Variants in NSL1 observed in about 807,000 individuals in gnomAD.
NSL1 encodes the protein NSL1 component of MIS12 kinetochore complex, also known as kinetochore-associated protein NSL1 homolog.
NSL1 carries 11 observed loss-of-function variants against 25.4 expected under a neutral mutation model. That is an observed-to-expected ratio of 0.43 (90% confidence interval 0.27 to 0.72). The LOEUF is 0.72. Among genes scored for constraint, NSL1 ranks in the 30% least tolerant of loss-of-function variants. The pLI is 0.19. For missense variants in NSL1, 330 were observed against 342.7 expected (o/e 0.96, Z 0.29); for synonymous variants, 118 against 120.6 (o/e 0.98, Z 0.14).
At chr1:212,779,242 GT>G (rs1660552428) in intron 4 of NSL1, among the ~76,000 whole-genome samples, 1 of 149,294 alleles carries the variant, frequency 6.7e-6, no homozygotes, top group Non-Finnish European at 1.5e-5. Flanking sequence ...GGGGGGTGGG[GT>G]CAGCCCCCCT....
chr1:212,732,207 ATAT>A lies in NSL1; in HGVS notation c.*6198_*6200del. The A allele has an allele frequency of 1.0e-6, 1 of 982,796 alleles. No homozygotes were observed. Among genetic ancestry groups the A allele is most frequent in the Non-Finnish European group, 1.2e-6 (1 of 827,768 alleles). The allele number at this position is 982,796 out of a possible 1,614,324, so 60.9% of individuals were successfully genotyped here. ...TTTTGTTTCTTTGAACATCTTAATC[ATAT>A]TACAAAACATCTCCTTTATACAATT... On this transcript the variant is annotated 3_prime_UTR_variant, in exon 6 of 6. Coordinates refer to ENST00000366977, the MANE Select transcript of NSL1 (RefSeq NM_015471.4).
chr1:212,779,398 G>A (rs1382193871), intron 4 of NSL1, among the ~76,000 whole-genome samples: 15 of 135,172 alleles, frequency 1.1e-4, no homozygotes, highest in African/African-American at 2.2e-4. Context: ...TCAGCCCCCC[G>A]CCCGGCCAGC....
At chr1:212,773,116 C>CTT (rs1435854132) in intron 4 of NSL1, among the ~76,000 whole-genome samples, 1 of 152,138 alleles carries the variant, frequency 6.6e-6, no homozygotes, top group African/African-American at 2.4e-5. Flanking sequence ...GAAAAACACT[C>CTT]TAGGACATCC....
At chr1:212,761,883 T>A (rs552609839) in intron 4 of NSL1, among the ~76,000 whole-genome samples, 30 of 150,634 alleles carry the variant, frequency 2.0e-4, no homozygotes, top group Non-Finnish European at 4.0e-4. Flanking sequence ...GATCGGGGTG[T>A]CCAATCTTTT....
intron 4 of NSL1, among the ~76,000 whole-genome samples, chr1:212,751,000 A>C (rs1361179226): frequency 2.6e-5 from 4 of 152,192 alleles, no homozygotes; most frequent in Non-Finnish European, 4.4e-5. Context: ...GCTATTCAAG[A>C]AAGAATATAC....
intron 1 of NSL1, among the ~76,000 whole-genome samples, chr1:212,790,930 A>AAT (rs561263673): frequency 0.023 from 3,438 of 151,330 alleles, 62 homozygotes; most frequent in South Asian, 0.041. Flanking sequence ...CTCAAAAAAA[A>AAT]AAAATAAAAT....
At chr1:212,758,427 A>G (rs981295396) in intron 4 of NSL1, among the ~76,000 whole-genome samples, 1 of 152,244 alleles carries the variant, frequency 6.6e-6, no homozygotes, top group African/African-American at 2.4e-5. Context: ...CCATTAAACA[A>G]CTATTAGAAC....
At chr1:212,754,422 A>ACTG (rs1341834498) in intron 4 of NSL1, among the ~76,000 whole-genome samples, 1 of 152,126 alleles carries the variant, frequency 6.6e-6, no homozygotes, top group Non-Finnish European at 1.5e-5. Flanking sequence ...AGACAGCTTC[A>ACTG]CTGTTTGAAA....
At chr1:212,786,703 G>A (rs1381292980) in intron 2 of NSL1, among the ~76,000 whole-genome samples, 3 of 152,150 alleles carry the variant, frequency 2.0e-5, no homozygotes, top group African/African-American at 7.2e-5. Context: ...AGCTACTTGG[G>A]AGGCTGAGGC....
intron 4 of NSL1, among the ~76,000 whole-genome samples, chr1:212,780,610 T>C (rs1558063099): frequency 2.0e-5 from 3 of 152,148 alleles, no homozygotes; most frequent in Admixed American, 1.3e-4. Context: ...CCACAAAAGT[T>C]TTCCTATGCT....
At chr1:212,786,491 G>C (rs1660952216) in intron 2 of NSL1, among the ~76,000 whole-genome samples, 1 of 151,642 alleles carries the variant, frequency 6.6e-6, no homozygotes, top group South Asian at 2.1e-4. Context: ...GCACTACCTA[G>C]TGATAAAGCT....
Position 212,791,584 on chromosome 1 carries a change from G to C in NSL1, c.180C>G (p.Leu60=). ...GAATCTCCTCCGGCAGAGCGTCCCC[G>C]AGCTTTTGCACGAAGCGGCCGCACA... ...LQLCGRFVQK[L]GDALPEEIRE... The change falls in exon 1 of 6, where the codon CTC becomes CTG. Residue 60 remains leucine, a synonymous_variant. Transcript: ENST00000366977. 1 of 1,613,838 alleles carries C rather than the reference G, an allele frequency of 6.2e-7. No homozygotes were observed. The highest frequency in any genetic ancestry group is 1.1e-5 in the South Asian group (1 of 91,078).
At chr1:212,782,868 T>A (rs1660786177) in intron 3 of NSL1, among the ~76,000 whole-genome samples, 1 of 152,192 alleles carries the variant, frequency 6.6e-6, no homozygotes. Context: ...AGCCTATATA[T>A]CCTGCGACAC....
chr1:212,739,644 T>G, intron 4 of NSL1, 43 bp from the exon 5 acceptor site: 2 of 1,586,160 alleles, frequency 1.3e-6, no homozygotes, highest in Non-Finnish European at 1.7e-6. Context: ...TTTTATCTAA[T>G]AGCAAATCAT....
rs554426292 is a variant in NSL1, at chr1:212,740,128, C to A, written c.500-527G>T. 7.9e-5 allele frequency among the ~76,000 whole-genome samples: 12 copies of A among 152,190 alleles called. No homozygotes were observed. The South Asian group carries it at 2.5e-3, about 32-fold the overall frequency. ...TTCAATGATACAGAAAGATAAAAAT[C>A]TTACTAAAACTCTAAACAAAACTGA... is the stretch of plus-strand genomic sequence containing the variant. On this transcript the variant is annotated intron_variant, in intron 4 of 5. Coordinates refer to ENST00000366977, the MANE Select transcript of NSL1 (RefSeq NM_015471.4).
intron 4 of NSL1, among the ~76,000 whole-genome samples, chr1:212,773,643 A>C (rs76604784): frequency 0.023 from 3,545 of 152,296 alleles, 67 homozygotes; most frequent in South Asian, 0.041. Context: ...TCAAAAAAAA[A>C]CTAAAAATAG....
At position 212,736,145 on chromosome 1, in the gene NSL1, C is replaced by T. The variant is rs1658225146; in HGVS notation, c.*2263G>A. Reference sequence around the variant, plus strand: ...TTCTGCCTCCAGGGCTCAAGTGATCCTCTCATTTCAGCCTCCTGGGTGGCT... The same window carrying T: ...TTCTGCCTCCAGGGCTCAAGTGATCTTCTCATTTCAGCCTCCTGGGTGGCT... On this transcript the variant is annotated 3_prime_UTR_variant, in exon 6 of 6. Transcript: ENST00000366977. The T allele has an allele frequency of 1.3e-6, 1 of 762,934 alleles. No homozygotes were observed. The highest frequency in any genetic ancestry group is 1.9e-5 in the African/African-American group (1 of 52,786). 47.3% of individuals were successfully genotyped at this position (762,934 alleles called of 1,614,324 possible). A position where few individuals can be genotyped will look rare whatever the true frequency, so the allele number is the denominator to read the frequency against.
At chr1:212,747,156 G>C (rs897151148) in intron 4 of NSL1, among the ~76,000 whole-genome samples, 1 of 150,940 alleles carries the variant, frequency 6.6e-6, no homozygotes, top group African/African-American at 2.4e-5. Flanking sequence ...ATGGCCCCCA[G>C]TGATCTCTGC....
At chr1:212,742,385 T>A (rs1658546769) in intron 4 of NSL1, among the ~76,000 whole-genome samples, 1 of 152,106 alleles carries the variant, frequency 6.6e-6, no homozygotes, top group African/African-American at 2.4e-5. Flanking sequence ...TATTTGAATA[T>A]AAGAGGAAGA....
Sources: gnomAD v4.1 joint callset for allele counts (sites outside exome capture counted in the v4.1 genomes callset) on GRCh38, gnomAD v4.1.1 for gene constraint, MANE v1.5 for transcripts, NCBI Gene and HGNC (gene_info 2026-07-23, HGNC 2026-07-21) for gene names.